The following ANAPC5 variants were observed in gnomAD, a reference collection of about 807,000 sequenced individuals.
ANAPC5 encodes the protein anaphase promoting complex subunit 5.
Under a neutral mutation model 91.3 loss-of-function variants are expected in ANAPC5, and 60 were observed. The ratio of observed to expected loss-of-function variants is 0.66; its 90% CI spans 0.53 to 0.81. ANAPC5 has a LOEUF of 0.81. Ranked by LOEUF, ANAPC5 falls within the 40% of genes least tolerant of loss-of-function variation. The probability of loss-of-function intolerance (pLI) is 0.00; values close to 1 mark genes in which losing one functional copy is unlikely to be tolerated. For synonymous variants in ANAPC5, 340 were observed against 364.1 expected (o/e 0.93, Z 0.75); for missense variants, 690 against 931.5 (o/e 0.74, Z 3.37).
chr12:121,331,001 C>T, intron 8 of ANAPC5: 1 of 396,266 alleles, frequency 2.5e-6, no homozygotes. Context: ...TGTTCCACTG[C>T]CCTGGTGATT....
rs377328212 is a variant in ANAPC5, at chr12:121,325,133, C to T, written c.1440+1963G>A. Among the ~76,000 whole-genome samples, 80 of 152,238 alleles carry T rather than the reference C, an allele frequency of 5.3e-4. 1 individual carries two copies. Among genetic ancestry groups the T allele is most frequent in the African/African-American group, 1.8e-3 (74 of 41,530 alleles). ...TTGCTGTGATTGCACCACTACATTC[C>T]AGCCCTGGTGATACAGCGAGACCCT... On this transcript the variant is annotated intron_variant, in intron 11 of 16. Coordinates refer to ENST00000261819, the MANE Select transcript of ANAPC5 (RefSeq NM_016237.5).
intron 6 of ANAPC5, among the ~76,000 whole-genome samples, chr12:121,336,089 A>G (rs899252572): frequency 6.6e-6 from 1 of 152,218 alleles, no homozygotes; most frequent in Admixed American, 6.5e-5. Context: ...GAATTCATAT[A>G]CAAATTATAA....
chr12:121,328,296 C>T lies in ANAPC5; in HGVS notation c.1304+20G>A. On this transcript the variant is annotated intron_variant, in intron 10 of 16. Transcript: ENST00000261819. ...CTTCTCTCTAAAGAATTCACACCCC[C>T]AGGGCCTTGGGAGACCTACCTGCGG... The T allele has an allele frequency of 1.2e-6, 2 of 1,612,294 alleles. No homozygotes were observed. The highest frequency in any genetic ancestry group is 1.7e-6 in the Non-Finnish European group (2 of 1,179,418).
intron 1 of ANAPC5, among the ~76,000 whole-genome samples, chr12:121,350,049 G>C (rs911126586): frequency 2.0e-5 from 3 of 151,946 alleles, no homozygotes; most frequent in African/African-American, 7.2e-5. Flanking sequence ...TAATAATGGA[G>C]GGAAATGCAT....
At chr12:121,322,099 C>T (rs534303028) in intron 11 of ANAPC5, among the ~76,000 whole-genome samples, 2 of 150,798 alleles carry the variant, frequency 1.3e-5, no homozygotes, top group South Asian at 4.2e-4. Flanking sequence ...CTCATGACCT[C>T]GTGATCCGCC....
intron 15 of ANAPC5, among the ~76,000 whole-genome samples, chr12:121,315,268 A>C (rs779708700): frequency 2.0e-5 from 3 of 152,232 alleles, no homozygotes; most frequent in Non-Finnish European, 4.4e-5. Context: ...GAAAGCTACA[A>C]AACATTGTTG....
At chr12:121,321,893 G>A (rs547017784) in intron 11 of ANAPC5, among the ~76,000 whole-genome samples, 2 of 149,098 alleles carry the variant, frequency 1.3e-5, no homozygotes, top group African/African-American at 4.9e-5. Context: ...CTGAGACAGA[G>A]TCTCACTCTG....
Position 121,309,146 on chromosome 12 carries a change from CAAA to C in ANAPC5, c.2057-458_2057-456del, listed in dbSNP as rs35933671. Among the ~76,000 whole-genome samples the C allele has an allele frequency of 2.9e-3, 107 of 36,836 alleles. 1 individual carries two copies. The highest frequency in any genetic ancestry group is 8.7e-3 in the African/African-American group (97 of 11,212). The allele number at this position is 36,836 out of a possible 152,430, so 24.2% of individuals were successfully genotyped here. On this transcript the variant is annotated intron_variant, in intron 16 of 16. Transcript: ENST00000261819. ...CCTGGGCGACAGAGTGACTCCATCT[CAAA>C]AAAAAAAAAAAAAAAAAAAGGCCGG...
At chr12:121,323,689 T>G (rs552422836) in intron 11 of ANAPC5, among the ~76,000 whole-genome samples, 3 of 152,198 alleles carry the variant, frequency 2.0e-5, no homozygotes, top group Non-Finnish European at 4.4e-5. Context: ...AATCCTTTCA[T>G]GAGGTAATGC....
Position 121,337,299 on chromosome 12 carries a change from CA to C in ANAPC5, c.750del (p.Phe250LeufsTer10). On this transcript the variant is annotated frameshift_variant, in exon 6 of 17. Transcript: ENST00000261819. LOFTEE classifies it high-confidence loss of function. ...TTCTGGGAAAGACTTACCGCTTCAG[CA>C]AAATCAGGATTAAATTTCAACAAAT... ...LNNLLKFNPD[F>X]AEAHYLSYLN... 1 of 1,612,992 alleles carries C rather than the reference CA, an allele frequency of 6.2e-7. No individual in the cohort carries two copies. The highest frequency in any genetic ancestry group is 8.5e-7 in the Non-Finnish European group (1 of 1,179,234).
intron 1 of ANAPC5, 123 bp from the exon 2 acceptor site, chr12:121,348,004 G>C: frequency 1.5e-6 from 1 of 671,570 alleles, no homozygotes; most frequent in Non-Finnish European, 2.5e-6. Context: ...TGCAAATAAG[G>C]ATTTTTCTAT....
upstream of ANAPC5, among the ~76,000 whole-genome samples, chr12:121,352,718 T>TTGTTGGTGGTGGTGG (rs71079056): frequency 2.6e-3 from 269 of 102,440 alleles, 8 homozygotes; most frequent in South Asian, 0.018. Flanking sequence ...GTTGTTGTTG[T>TTGTTGGTGGTGGTGG]TGGTGGTGGT....
chr12:121,338,514 G>A (rs566805833), intron 5 of ANAPC5, among the ~76,000 whole-genome samples: 47 of 152,092 alleles, frequency 3.1e-4, no homozygotes, highest in African/African-American at 1.1e-3. Context: ...ACTTGAACTC[G>A]GGAGGCAGAG....
chr12:121,340,390 A>C (rs1223507254), intron 5 of ANAPC5, among the ~76,000 whole-genome samples: 1 of 152,044 alleles, frequency 6.6e-6, no homozygotes, highest in Non-Finnish European at 1.5e-5. Flanking sequence ...AAATATTTAC[A>C]TTTAACCCTG....
intron 10 of ANAPC5, chr12:121,327,497 C>G (rs1345438030): frequency 2.1e-6 from 1 of 471,898 alleles, no homozygotes. Context: ...CGCCCCCACC[C>G]CATGTTCCCT....
chr12:121,312,817 T>C (rs1230860475), intron 15 of ANAPC5, among the ~76,000 whole-genome samples: 1 of 149,380 alleles, frequency 6.7e-6, no homozygotes, highest in Non-Finnish European at 1.5e-5. Flanking sequence ...GAGGCGGAGG[T>C]TGCAGTGAGC....
chr12:121,319,505 ATTACAGGTGTAAGTCACCATGCCCAG>A (rs529307347), intron 13 of ANAPC5, among the ~76,000 whole-genome samples, 166 bp downstream of exon 13: 6,576 of 152,218 alleles, frequency 0.043, 232 homozygotes, highest in Admixed American at 0.07. Flanking sequence ...AAGTGCTGGG[ATTACAGGTGTAAGTCACCATGCCCAG>A]TTACAGGTGT....
rs782251690 is a variant in ANAPC5, at chr12:121,327,243, G to A, written c.1305-12C>T. The A allele has an allele frequency of 1.9e-6, 3 of 1,610,852 alleles. No homozygotes were observed. In the African/African-American group the frequency reaches 4.0e-5, roughly 22 times the overall value. ...GCAGTGCCATGGTGCTGGGTGGGGA[G>A]AGGGAACAGGATTTCCTTTCAGCAG... On this transcript the variant is annotated splice_polypyrimidine_tract_variant and intron_variant, in intron 10 of 16. Coordinates refer to ENST00000261819, the MANE Select transcript of ANAPC5 (RefSeq NM_016237.5).
chr12:121,327,338 A>G, intron 10 of ANAPC5, 107 bp from the exon 11 acceptor site: 1 of 1,384,250 alleles, frequency 7.2e-7, no homozygotes. Context: ...TACACCTCAC[A>G]GGCTCTGGCT....
Sources: allele counts gnomAD v4.1 joint callset (sites outside exome capture counted in the v4.1 genomes callset), GRCh38; gene constraint gnomAD v4.1.1; transcripts MANE v1.5; gene names NCBI Gene and HGNC (gene_info 2026-07-23, HGNC 2026-07-21).